SAMD12: variants seen among roughly 807,000 people sequenced by gnomAD.
SAMD12 encodes sterile alpha motif domain-containing protein 12.
SAMD12 carries 9 observed loss-of-function variants against 15.0 expected under a neutral mutation model. The observed-to-expected ratio is 0.60, with a 90% CI of 0.36 to 1.05. SAMD12 has a LOEUF of 1.05. Among genes scored for constraint, SAMD12 ranks in the 50% least tolerant of loss-of-function variants. SAMD12 has a pLI of 0.01. For missense variants in SAMD12, 230 were observed against 234.2 expected (o/e 0.98, Z 0.12); for synonymous variants, 86 against 90.1 (o/e 0.96, Z 0.25).
intron 3 of SAMD12, among the ~76,000 whole-genome samples, chr8:118,433,554 T>C (rs1822485157): frequency 6.6e-6 from 1 of 152,144 alleles, no homozygotes. Flanking sequence ...AAATAATTCA[T>C]GTATATTAAA....
intron 4 of SAMD12, among the ~76,000 whole-genome samples, chr8:118,298,836 T>A (rs1814865898): frequency 2.0e-5 from 3 of 152,318 alleles, no homozygotes; most frequent in Middle Eastern, 6.8e-3. Context: ...TAAATTGATA[T>A]GTAATAGAAT....
chr8:118,538,444 G>A (rs572071580), intron 2 of SAMD12, among the ~76,000 whole-genome samples: 213 of 152,292 alleles, frequency 1.4e-3, no homozygotes, highest in Non-Finnish European at 2.2e-3. Context: ...CCATTGGGAT[G>A]GGCAATTCCC....
chr8:118,571,427 G>T (rs187504077), intron 2 of SAMD12, among the ~76,000 whole-genome samples: 42 of 152,214 alleles, frequency 2.8e-4, no homozygotes, highest in African/African-American at 6.0e-4. Context: ...GAAATTTGCA[G>T]AAATTTGCAT....
chr8:118,195,426 G>A (rs1478713915), exon 5 of SAMD12: 1 of 152,242 alleles, frequency 6.6e-6, no homozygotes, highest in Non-Finnish European at 1.5e-5. Flanking sequence ...TATAAAGAAA[G>A]GGAATATAGG....
At chr8:118,282,634 A>G (rs1324359354) in intron 4 of SAMD12, among the ~76,000 whole-genome samples, 1 of 152,166 alleles carries the variant, frequency 6.6e-6, no homozygotes, top group African/African-American at 2.4e-5. Flanking sequence ...TGAACCTCAA[A>G]TGTGATTGGA....
At chr8:118,452,913 A>T (rs1401786000) in intron 2 of SAMD12, among the ~76,000 whole-genome samples, 2 of 152,164 alleles carry the variant, frequency 1.3e-5, no homozygotes, top group African/African-American at 2.4e-5. Context: ...CTAATTTATC[A>T]TATTCAAAGG....
At position 118,540,004 on chromosome 8, in the gene SAMD12, C is replaced by A. The variant is rs149077579; in HGVS notation, c.192+40711G>T. ...TCAGATGATGGAGTACTATAGGATA[C>A]CACCCCATCCTTAAAATAAGTTGTC... On this transcript the variant is annotated intron_variant, in intron 2 of 3. Transcript: ENST00000314727. Among the ~76,000 whole-genome samples, 32 of 152,234 alleles carry A rather than the reference C, an allele frequency of 2.1e-4. No individual in the cohort carries two copies. The East Asian group carries it at 4.6e-3, about 22-fold the overall frequency.
At chr8:118,570,400 C>T (rs1381053002) in intron 2 of SAMD12, among the ~76,000 whole-genome samples, 1 of 152,042 alleles carries the variant, frequency 6.6e-6, no homozygotes, top group Non-Finnish European at 1.5e-5. Context: ...GTGTTGTTCC[C>T]TTCTATATAT....
At chr8:118,415,096 A>T (rs1252251489) in intron 3 of SAMD12, among the ~76,000 whole-genome samples, 3 of 152,184 alleles carry the variant, frequency 2.0e-5, no homozygotes, top group Admixed American at 6.5e-5. Context: ...ATCCCAAGTC[A>T]TGCCTCCAGG....
intron 2 of SAMD12, among the ~76,000 whole-genome samples, chr8:118,491,174 T>C (rs954718306): frequency 3.9e-5 from 6 of 152,204 alleles, no homozygotes; most frequent in Non-Finnish European, 8.8e-5. Flanking sequence ...CTTCAGCTCC[T>C]TGAAGAAACT....
intron 1 of SAMD12, among the ~76,000 whole-genome samples, chr8:118,586,547 T>C (rs1400792708): frequency 6.6e-6 from 1 of 152,130 alleles, no homozygotes; most frequent in Non-Finnish European, 1.5e-5. Flanking sequence ...TCTGCCATGT[T>C]GCCCAGGCTG....
chr8:118,250,268 C>T (rs1688098394), intron 4 of SAMD12, among the ~76,000 whole-genome samples: 1 of 152,076 alleles, frequency 6.6e-6, no homozygotes, highest in South Asian at 2.1e-4. Flanking sequence ...TACCAGCTTA[C>T]CAGCCTTAGG....
chr8:118,194,178 C>G (rs1010275120), exon 5 of SAMD12: 1 of 152,124 alleles, frequency 6.6e-6, no homozygotes, highest in Non-Finnish European at 1.5e-5. Flanking sequence ...GCTGATACGC[C>G]TTTTCTCCTT....
chr8:118,608,950 T>A lies in SAMD12; in HGVS notation c.13+12854A>T, dbSNP rs188258008. 1.4e-4 allele frequency among the ~76,000 whole-genome samples: 22 copies of A among 152,294 alleles called. No homozygotes were observed. In the East Asian group the frequency reaches 4.2e-3, roughly 29 times the overall value. On this transcript the variant is annotated intron_variant, in intron 1 of 3. Coordinates refer to ENST00000314727, the MANE Select transcript of SAMD12 (RefSeq NM_207506.3). ...ACATATTATGAACCCAATTTTACCA[T>A]AAGTTAACTGATATAAACAGGAGTT...
intron 2 of SAMD12, among the ~76,000 whole-genome samples, chr8:118,492,494 G>C (rs1450091254): frequency 6.6e-6 from 1 of 152,110 alleles, no homozygotes; most frequent in Non-Finnish European, 1.5e-5. Context: ...TGGTAGGGAT[G>C]GGGGGATTCA....
At chr8:118,189,901 C>A (rs1027388168) in exon 5 of SAMD12, 1 of 148,628 alleles carries the variant, frequency 6.7e-6, no homozygotes, top group Admixed American at 6.7e-5. Flanking sequence ...ACTTGATTGC[C>A]TCCTCCTAAG....
intron 2 of SAMD12, among the ~76,000 whole-genome samples, chr8:118,460,422 CAGG>C (rs1823381406): frequency 2.0e-5 from 3 of 152,012 alleles, no homozygotes; most frequent in African/African-American, 4.8e-5. Context: ...CTCAGAGAGA[CAGG>C]AGGAGAGAGA....
At chr8:118,182,073 G>T in the SAMD12 span, among the ~76,000 whole-genome samples, 1 of 152,278 alleles carries the variant, frequency 6.6e-6, no homozygotes, top group African/African-American at 2.4e-5. Flanking sequence ...CCTCGGAGGG[G>T]CATCATAAGA....
intron 4 of SAMD12, among the ~76,000 whole-genome samples, chr8:118,265,360 G>A (rs1453110545): frequency 6.6e-6 from 1 of 152,024 alleles, no homozygotes; most frequent in Non-Finnish European, 1.5e-5. Context: ...ATTTTAGAAT[G>A]GCAAGACATA....
Sources: allele counts gnomAD v4.1 joint callset (sites outside exome capture counted in the v4.1 genomes callset), GRCh38; gene constraint gnomAD v4.1.1; transcripts MANE v1.5; gene names NCBI Gene and HGNC (gene_info 2026-07-23, HGNC 2026-07-21).